Variants in ZRANB3 observed in about 807,000 individuals in gnomAD.
The protein encoded by ZRANB3 is zinc finger RANBP2-type containing 3.
Under a neutral mutation model 133.8 loss-of-function variants are expected in ZRANB3, and 125 were observed. The ratio of observed to expected loss-of-function variants is 0.93; its 90% confidence interval spans 0.81 to 1.08. The LOEUF (loss-of-function observed/expected upper bound fraction) is 1.08. ZRANB3 is among the 50% of genes least tolerant of loss of function. The pLI, the probability that ZRANB3 is intolerant of heterozygous loss-of-function variation, is 0.00. For missense variants in ZRANB3, 1,229 were observed against 1,275.5 expected (o/e 0.96, Z 0.56); for synonymous variants, 387 against 432.7 (o/e 0.89, Z 1.31).
chr2:135,450,295 TA>T (rs11298818), intron 2 of ZRANB3, among the ~76,000 whole-genome samples: 12,257 of 136,006 alleles, frequency 0.09, 1,156 homozygotes, highest in African/African-American at 0.25. Context: ...AAAATAAAAT[TA>T]AAAAAAAAAA....
At chr2:135,514,362 T>A (rs1377730845) in intron 1 of ZRANB3, among the ~76,000 whole-genome samples, 1 of 152,196 alleles carries the variant, frequency 6.6e-6, no homozygotes, top group Non-Finnish European at 1.5e-5. Context: ...TTCACCTCCA[T>A]TGTAAGTTGT....
intron 8 of ZRANB3, among the ~76,000 whole-genome samples, chr2:135,296,564 CCTT>C (rs1274211174): frequency 1.3e-5 from 2 of 152,094 alleles, no homozygotes; most frequent in Non-Finnish European, 2.9e-5. Context: ...TCTTCTGAAG[CCTT>C]CTTCTCTCAA....
intron 2 of ZRANB3, among the ~76,000 whole-genome samples, chr2:135,489,336 A>G (rs1559033294): frequency 6.7e-6 from 1 of 148,222 alleles, no homozygotes; most frequent in Non-Finnish European, 1.5e-5. Flanking sequence ...GAGGGATAGC[A>G]TTAGGAGATA....
chr2:135,394,140 A>T (rs921604036), intron 2 of ZRANB3, among the ~76,000 whole-genome samples: 6 of 151,930 alleles, frequency 3.9e-5, no homozygotes, highest in Non-Finnish European at 8.8e-5. Context: ...TACAGGCATG[A>T]GCCACCATGC....
chr2:135,216,542 C>T (rs148953946), intron 17 of ZRANB3, among the ~76,000 whole-genome samples: 4 of 152,072 alleles, frequency 2.6e-5, no homozygotes, highest in East Asian at 1.9e-4. Flanking sequence ...CAGGCTGAAG[C>T]GATCCTCCGG....
chr2:135,256,959 A>C (rs1212497704), intron 12 of ZRANB3, among the ~76,000 whole-genome samples: 1 of 152,216 alleles, frequency 6.6e-6, no homozygotes, highest in Non-Finnish European at 1.5e-5. Flanking sequence ...CACATGCTAA[A>C]AGATATTCCC....
intron 8 of ZRANB3, among the ~76,000 whole-genome samples, chr2:135,289,042 A>G (rs577089936): frequency 2.0e-5 from 3 of 152,052 alleles, no homozygotes; most frequent in African/African-American, 7.2e-5. Context: ...GCTCTTTCAC[A>G]GTTTTTGATG....
chr2:135,452,272 C>G (rs1263216734), intron 2 of ZRANB3, among the ~76,000 whole-genome samples: 2 of 152,118 alleles, frequency 1.3e-5, no homozygotes, highest in Non-Finnish European at 2.9e-5. Flanking sequence ...TTACCTCCCC[C>G]TGGGTCCCTC....
intron 1 of ZRANB3, among the ~76,000 whole-genome samples, chr2:135,517,792 C>T (rs977768915): frequency 6.6e-6 from 1 of 152,322 alleles, no homozygotes; most frequent in Middle Eastern, 3.4e-3. Flanking sequence ...GAGTGCTGTG[C>T]TGGGAGATAT....
At chr2:135,267,276 T>C (rs1680296627) in intron 11 of ZRANB3, among the ~76,000 whole-genome samples, 1 of 151,938 alleles carries the variant, frequency 6.6e-6, no homozygotes, top group Admixed American at 6.6e-5. Context: ...ACCTGCGGAG[T>C]TCTGAGACAG....
chr2:135,235,909 T>C (rs909296981), intron 12 of ZRANB3, among the ~76,000 whole-genome samples: 4 of 151,576 alleles, frequency 2.6e-5, no homozygotes, highest in Non-Finnish European at 5.9e-5. Context: ...ACCACTCCTA[T>C]TCAACATAGT....
At chr2:135,358,978 GT>G (rs1318317198) in intron 3 of ZRANB3, among the ~76,000 whole-genome samples, 12 of 149,588 alleles carry the variant, frequency 8.0e-5, no homozygotes, top group East Asian at 2.0e-4. Context: ...TCTTCTCCTT[GT>G]TTTTTTTTCA....
intron 15 of ZRANB3, among the ~76,000 whole-genome samples, chr2:135,221,971 A>G (rs1249163369): frequency 6.6e-6 from 1 of 152,184 alleles, no homozygotes; most frequent in African/African-American, 2.4e-5. Context: ...CTATCTATCT[A>G]TATCTATATT....
chr2:135,211,753 T>C (rs1694103103), intron 17 of ZRANB3, among the ~76,000 whole-genome samples: 3 of 152,186 alleles, frequency 2.0e-5, no homozygotes. Context: ...GGATAAACCA[T>C]ATATTTAACC....
At chr2:135,298,155 G>A (rs1211768257) in intron 8 of ZRANB3, among the ~76,000 whole-genome samples, 2 of 152,146 alleles carry the variant, frequency 1.3e-5, no homozygotes, top group African/African-American at 4.8e-5. Flanking sequence ...TTGAACCCGG[G>A]AGGCAGAGGG....
chr2:135,246,337 A>T (rs1695801882), intron 12 of ZRANB3, among the ~76,000 whole-genome samples: 1 of 152,200 alleles, frequency 6.6e-6, no homozygotes, highest in African/African-American at 2.4e-5. Context: ...ACAGATATCA[A>T]ATAAAAATAT....
chr2:135,425,555 T>C (rs1420968874), intron 2 of ZRANB3, among the ~76,000 whole-genome samples: 1 of 151,872 alleles, frequency 6.6e-6, no homozygotes, highest in African/African-American at 2.4e-5. Context: ...AAACTGTAAA[T>C]GACAGAAATT....
chr2:135,280,695 A>C (rs1681062526), intron 8 of ZRANB3, among the ~76,000 whole-genome samples: 1 of 152,214 alleles, frequency 6.6e-6, no homozygotes, highest in Non-Finnish European at 1.5e-5. Flanking sequence ...TATTGCACTA[A>C]AGACCTGTTA....
intron 1 of ZRANB3, among the ~76,000 whole-genome samples, chr2:135,509,670 C>T (rs1335737384): frequency 6.6e-6 from 1 of 152,010 alleles, no homozygotes; most frequent in African/African-American, 2.4e-5. Context: ...CATGAAAAAA[C>T]TCTACTTCAA....
Sources: gnomAD v4.1 joint callset for allele counts (sites outside exome capture counted in the v4.1 genomes callset) on GRCh38, gnomAD v4.1.1 for gene constraint, MANE v1.5 for transcripts, NCBI Gene and HGNC (gene_info 2026-07-23, HGNC 2026-07-21) for gene names.